Variants in LINGO2 observed in about 807,000 individuals in gnomAD.
LINGO2 encodes leucine rich repeat and Ig domain containing 2, also known as leucine-rich repeat and immunoglobulin-like domain-containing nogo receptor-interacting protein 2.
LINGO2 carries 14 observed loss-of-function variants against 30.6 expected under a neutral mutation model. The observed-to-expected ratio is 0.46, with a 90% CI of 0.30 to 0.72. The LOEUF (loss-of-function observed/expected upper bound fraction) is 0.72. LINGO2 is among the 30% of genes least tolerant of loss of function. The pLI is 0.07. For synonymous variants in LINGO2, 317 were observed against 288.5 expected, an observed-to-expected ratio of 1.10 and a Z score of -1.00; for missense variants, 729 against 751.7, an observed-to-expected ratio of 0.97 and a Z score of 0.35.
At chr9:28,755,979 A>G in the LINGO2 span, among the ~76,000 whole-genome samples, 1 of 152,052 alleles carries the variant, frequency 6.6e-6, no homozygotes, top group Non-Finnish European at 1.5e-5. Context: ...ATATATTTGT[A>G]ATAAGAATGG....
At chr9:29,145,738 G>A in the LINGO2 span, among the ~76,000 whole-genome samples, 1 of 152,240 alleles carries the variant, frequency 6.6e-6, no homozygotes, top group South Asian at 2.1e-4. Flanking sequence ...ATATGAAAGT[G>A]TAATGTAAAT....
At chr9:27,974,164 A>T (rs116351022) in intron 5 of LINGO2, among the ~76,000 whole-genome samples, 18 of 152,260 alleles carry the variant, frequency 1.2e-4, no homozygotes, top group African/African-American at 4.1e-4. Context: ...GGGAACTGTG[A>T]CAAGAGAGGT....
chr9:28,496,270 T>C (rs1186091441), intron 1 of LINGO2, among the ~76,000 whole-genome samples: 1 of 152,114 alleles, frequency 6.6e-6, no homozygotes, highest in Non-Finnish European at 1.5e-5. Context: ...TGTTAAAGTC[T>C]CCCGTTATTA....
chr9:29,047,798 C>T, the LINGO2 span, among the ~76,000 whole-genome samples: 1 of 152,056 alleles, frequency 6.6e-6, no homozygotes, highest in Non-Finnish European at 1.5e-5. Flanking sequence ...AATCAACATA[C>T]AAAAATCAGT....
intron 4 of LINGO2, among the ~76,000 whole-genome samples, chr9:28,241,215 G>A (rs368201616): frequency 2.2e-5 from 3 of 138,728 alleles, no homozygotes; most frequent in African/African-American, 8.1e-5. Flanking sequence ...ACTGCAGTGA[G>A]CTGAGATCGT....
At chr9:28,996,624 C>T in the LINGO2 span, among the ~76,000 whole-genome samples, 1 of 152,058 alleles carries the variant, frequency 6.6e-6, no homozygotes, top group Non-Finnish European at 1.5e-5. Context: ...GTATTAATTT[C>T]CTTTTTGTTG....
chr9:28,549,657 T>A (rs900917542), intron 1 of LINGO2, among the ~76,000 whole-genome samples: 5 of 151,964 alleles, frequency 3.3e-5, no homozygotes, highest in South Asian at 2.1e-4. Context: ...TTTTTTTTAC[T>A]AATAGTAGTA....
chr9:28,773,797 AG>A, the LINGO2 span, among the ~76,000 whole-genome samples: 6 of 152,186 alleles, frequency 3.9e-5, no homozygotes, highest in Non-Finnish European at 8.8e-5. Context: ...TAAAATATGA[AG>A]AATTAAATAA....
At chr9:28,804,546 C>G in the LINGO2 span, among the ~76,000 whole-genome samples, 5 of 104,970 alleles carry the variant, frequency 4.8e-5, no homozygotes, top group Admixed American at 2.0e-4. Flanking sequence ...AAAACAAAAA[C>G]AAAAACAAAA....
chr9:29,145,008 AC>A, the LINGO2 span, among the ~76,000 whole-genome samples: 3 of 152,188 alleles, frequency 2.0e-5, no homozygotes, highest in Non-Finnish European at 4.4e-5. Context: ...TGCGTTTGGA[AC>A]AAAAAGTATA....
the LINGO2 span, among the ~76,000 whole-genome samples, chr9:28,781,936 T>C: frequency 6.6e-6 from 1 of 152,222 alleles, no homozygotes; most frequent in African/African-American, 2.4e-5. Context: ...GTGATTGCTA[T>C]ACATTTTTAA....
chr9:28,793,606 C>A, the LINGO2 span, among the ~76,000 whole-genome samples: 1 of 152,120 alleles, frequency 6.6e-6, no homozygotes. Flanking sequence ...GAGTGGAAAA[C>A]CTTCAGAAGC....
chr9:28,336,529 A>C lies in LINGO2; in HGVS notation c.-246+36307T>G, dbSNP rs191895780. ...ACTTTCTATACATCCTTTCCAGAAAATTTTATGGTTTTATATTTTACACTT... is the reference window on the plus strand; with the variant it reads ...ACTTTCTATACATCCTTTCCAGAAACTTTTATGGTTTTATATTTTACACTT... On this transcript the variant is annotated intron_variant, in intron 3 of 5. Transcript: ENST00000379992. Among the ~76,000 whole-genome samples the C allele has an allele frequency of 1.2e-3, 185 of 152,238 alleles. 1 individual carries two copies. The highest frequency in any genetic ancestry group is 2.0e-3 in the Non-Finnish European group (137 of 68,008).
chr9:28,215,139 G>A (rs1413493209), intron 4 of LINGO2, among the ~76,000 whole-genome samples: 8 of 151,626 alleles, frequency 5.3e-5, no homozygotes, highest in Non-Finnish European at 1.2e-4. Context: ...GGGCCAGGAC[G>A]CTACCTGATC....
chr9:28,260,231 G>T (rs1024937471), intron 4 of LINGO2, among the ~76,000 whole-genome samples: 1 of 150,718 alleles, frequency 6.6e-6, no homozygotes, highest in Non-Finnish European at 1.5e-5. Context: ...GACAAATGAT[G>T]ACTTGTAATT....
chr9:28,208,111 T>A (rs1233210782), intron 4 of LINGO2, among the ~76,000 whole-genome samples: 2 of 152,146 alleles, frequency 1.3e-5, no homozygotes, highest in African/African-American at 2.4e-5. Context: ...TAAAAACTAA[T>A]GTCAGAATGC....
chr9:28,907,791 G>A, the LINGO2 span, among the ~76,000 whole-genome samples: 1 of 151,686 alleles, frequency 6.6e-6, no homozygotes, highest in Non-Finnish European at 1.5e-5. Context: ...GAGAAATGAG[G>A]AAATAGTTGA....
the LINGO2 span, among the ~76,000 whole-genome samples, chr9:29,080,583 T>C: frequency 1.3e-5 from 2 of 152,182 alleles, no homozygotes; most frequent in Admixed American, 1.3e-4. Flanking sequence ...GGGCATTTAG[T>C]GCTATAAATT....
chr9:29,175,522 ATTTTTT>A, the LINGO2 span, among the ~76,000 whole-genome samples: 1 of 110,378 alleles, frequency 9.1e-6, no homozygotes, highest in African/African-American at 3.5e-5. Context: ...TATCTCCGAG[ATTTTTT>A]TTTTTTTTTT....
Sources: allele counts gnomAD v4.1 joint callset (sites outside exome capture counted in the v4.1 genomes callset), GRCh38; gene constraint gnomAD v4.1.1; transcripts MANE v1.5; gene names NCBI Gene and HGNC (gene_info 2026-07-23, HGNC 2026-07-21).